AGBL4: variants seen among roughly 807,000 people sequenced by gnomAD.
AGBL4 encodes the protein cytosolic carboxypeptidase 6.
In AGBL4, 58 loss-of-function variants were observed where a neutral mutation model predicts 66.4. The ratio of observed to expected loss-of-function variants is 0.87; its 90% confidence interval spans 0.71 to 1.09. The LOEUF (loss-of-function observed/expected upper bound fraction) is 1.09. Ranked by LOEUF, AGBL4 falls within the 50% of genes least tolerant of loss-of-function variation. The pLI is 0.00. For missense variants in AGBL4, 579 were observed against 631.0 expected (o/e 0.92, Z 0.88); for synonymous variants, 234 against 222.9 (o/e 1.05, Z -0.44).
chr1:48,880,513 C>A (rs1649676152), intron 5 of AGBL4, among the ~76,000 whole-genome samples: 1 of 152,194 alleles, frequency 6.6e-6, no homozygotes, highest in Non-Finnish European at 1.5e-5. Context: ...AATGGTAGAT[C>A]TACCTTTACA....
At chr1:49,632,103 G>A (rs992246951) in intron 3 of AGBL4, among the ~76,000 whole-genome samples, 12 of 152,148 alleles carry the variant, frequency 7.9e-5, no homozygotes, top group African/African-American at 2.4e-4. Flanking sequence ...ACAACATCAA[G>A]GAACTAAGAG....
intron 1 of AGBL4, among the ~76,000 whole-genome samples, chr1:49,951,731 G>A (rs558184071): frequency 6.6e-6 from 1 of 151,908 alleles, no homozygotes; most frequent in African/African-American, 2.4e-5. Context: ...TTTAGGTTTG[G>A]CAATGTATCA....
intron 5 of AGBL4, among the ~76,000 whole-genome samples, chr1:48,938,831 C>T (rs1655701347): frequency 6.6e-6 from 1 of 152,122 alleles, no homozygotes; most frequent in East Asian, 1.9e-4. Context: ...TTTGTTTTCC[C>T]CCAATATTTG....
At chr1:49,904,611 T>C (rs537111704) in intron 1 of AGBL4, among the ~76,000 whole-genome samples, 33 of 152,288 alleles carry the variant, frequency 2.2e-4, no homozygotes, top group African/African-American at 7.2e-4. Flanking sequence ...ATGGTACCTG[T>C]AGCAGTTGTC....
intron 6 of AGBL4, among the ~76,000 whole-genome samples, chr1:48,799,585 G>A (rs1205748538): frequency 6.6e-6 from 1 of 152,146 alleles, no homozygotes; most frequent in East Asian, 1.9e-4. Context: ...TTCTCAGGGG[G>A]AATGCTTTCA....
rs991600231 is a variant in AGBL4 at position 49,402,268 on chromosome 1, G to A, written c.283-156404C>T. On this transcript the variant is annotated intron_variant, in intron 3 of 13. Transcript: ENST00000371839. ...TCTAGTTATTTAAGACACATTGTTA[G>A]GTTGCTTGTTTGGAATATTTCTTCT... is the stretch of plus-strand genomic sequence containing the variant. 2.0e-5 allele frequency among the ~76,000 whole-genome samples: 3 copies of A among 152,158 alleles called. No homozygotes were observed. In the East Asian group the frequency reaches 5.8e-4, roughly 29 times the overall value.
At chr1:49,949,093 A>T (rs1655828737) in intron 1 of AGBL4, among the ~76,000 whole-genome samples, 1 of 151,508 alleles carries the variant, frequency 6.6e-6, no homozygotes, top group South Asian at 2.1e-4. Context: ...AAGTGGGGAA[A>T]GGACACCCTA....
chr1:49,820,039 C>G (rs764269619), intron 2 of AGBL4, among the ~76,000 whole-genome samples: 16 of 152,114 alleles, frequency 1.1e-4, no homozygotes, highest in Non-Finnish European at 1.8e-4. Flanking sequence ...AATAAAGACC[C>G]TCATGTCCTG....
chr1:49,748,313 C>T (rs1651159721), intron 2 of AGBL4, among the ~76,000 whole-genome samples: 1 of 152,150 alleles, frequency 6.6e-6, no homozygotes. Context: ...TTTCCAGCTT[C>T]ATCCATGTCC....
intron 3 of AGBL4, among the ~76,000 whole-genome samples, chr1:49,664,886 G>A (rs72901886): frequency 0.017 from 2,621 of 152,134 alleles, 73 homozygotes; most frequent in African/African-American, 0.051. Flanking sequence ...TTTACAGTTA[G>A]GTGCTATATG....
intron 6 of AGBL4, chr1:48,776,929 T>TGG (rs542629590): frequency 8.1e-6 from 1 of 122,780 alleles, no homozygotes; most frequent in South Asian, 1.1e-4. Flanking sequence ...GCTACGGTGC[T>TGG]GGGGGGGGCG....
chr1:49,721,548 T>C (rs372970959), intron 2 of AGBL4, among the ~76,000 whole-genome samples: 1 of 152,030 alleles, frequency 6.6e-6, no homozygotes, highest in East Asian at 1.9e-4. Context: ...TAGATCAGGG[T>C]AAGAAAATAA....
At chr1:48,944,822 A>G (rs1656326386) in intron 5 of AGBL4, among the ~76,000 whole-genome samples, 1 of 152,250 alleles carries the variant, frequency 6.6e-6, no homozygotes, top group Non-Finnish European at 1.5e-5. Context: ...ATATGGGGAA[A>G]GCAGAGCAAG....
intron 3 of AGBL4, among the ~76,000 whole-genome samples, chr1:49,641,009 A>G (rs1325576210): frequency 1.3e-5 from 2 of 152,152 alleles, no homozygotes; most frequent in African/African-American, 4.8e-5. Flanking sequence ...TCATTTGTAC[A>G]TCAAACCCCA....
intron 1 of AGBL4, among the ~76,000 whole-genome samples, chr1:50,009,910 T>A (rs1374388441): frequency 6.6e-6 from 1 of 152,018 alleles, no homozygotes; most frequent in Non-Finnish European, 1.5e-5. Flanking sequence ...TAGTCACAAA[T>A]GAAATTAAAT....
rs574153522 is a variant in AGBL4, at chr1:49,865,200, G to C, written c.35-13682C>G. 2.6e-5 allele frequency among the ~76,000 whole-genome samples: 4 copies of C among 152,296 alleles called. No individual in the cohort carries two copies. In the South Asian group the frequency reaches 8.3e-4, roughly 32 times the overall value. ...CCCCTGCTGGCTCTGAGGAATCTGGGCAGCCCAGATGAGTGAGATTCGCCC... is the reference window on the plus strand; with the variant it reads ...CCCCTGCTGGCTCTGAGGAATCTGGCCAGCCCAGATGAGTGAGATTCGCCC... On this transcript the variant is annotated intron_variant, in intron 1 of 13. Transcript: ENST00000371839.
chr1:48,986,547 T>C (rs951365559), intron 5 of AGBL4, among the ~76,000 whole-genome samples: 1 of 151,966 alleles, frequency 6.6e-6, no homozygotes, highest in African/African-American at 2.4e-5. Flanking sequence ...CAAACTAGAA[T>C]TCTATACCTA....
intron 3 of AGBL4, among the ~76,000 whole-genome samples, chr1:49,554,353 A>C (rs1278110413): frequency 6.6e-6 from 1 of 152,214 alleles, no homozygotes; most frequent in Non-Finnish European, 1.5e-5. Context: ...TTTCTCAGGA[A>C]GAGCCTTGAA....
intron 5 of AGBL4, among the ~76,000 whole-genome samples, chr1:49,032,216 A>C (rs2149036956): frequency 6.6e-6 from 1 of 152,298 alleles, no homozygotes; most frequent in African/African-American, 2.4e-5. Context: ...AGGACCTTGC[A>C]GACCATGTTA....
Sources: gnomAD v4.1 joint callset for allele counts (sites outside exome capture counted in the v4.1 genomes callset) on GRCh38, gnomAD v4.1.1 for gene constraint, MANE v1.5 for transcripts, NCBI Gene and HGNC (gene_info 2026-07-23, HGNC 2026-07-21) for gene names.